MAGI2: variants seen among roughly 807,000 people sequenced by gnomAD.
MAGI2 encodes the protein membrane-associated guanylate kinase, WW and PDZ domain-containing protein 2.
In MAGI2, 35 loss-of-function variants were observed where a neutral mutation model predicts 133.3. The ratio of observed to expected loss-of-function variants is 0.26; its 90% CI spans 0.20 to 0.35. The LOEUF (loss-of-function observed/expected upper bound fraction) is 0.35. MAGI2 is among the 10% of genes least tolerant of loss of function. The probability of loss-of-function intolerance (pLI) is 1.00; values close to 1 mark genes in which losing one functional copy is unlikely to be tolerated. For synonymous variants in MAGI2, 729 were observed against 710.6 expected, an observed-to-expected ratio of 1.03 and a Z score of -0.41; for missense variants, 1,636 against 1,863.4, an observed-to-expected ratio of 0.88 and a Z score of 2.25.
chr7:79,394,811 C>T (rs1334208258), intron 1 of MAGI2, among the ~76,000 whole-genome samples: 1 of 152,158 alleles, frequency 6.6e-6, no homozygotes, highest in African/African-American at 2.4e-5. Flanking sequence ...GCAAGTCTTT[C>T]TCACTTGCTA....
chr7:78,480,891 C>T (rs570036530), intron 6 of MAGI2, among the ~76,000 whole-genome samples: 47 of 151,810 alleles, frequency 3.1e-4, no homozygotes, highest in Admixed American at 5.9e-4. Flanking sequence ...GCTGAAATTA[C>T]GAAATGCTGA....
At chr7:78,867,964 C>A (rs1027137062) in intron 2 of MAGI2, among the ~76,000 whole-genome samples, 3 of 150,330 alleles carry the variant, frequency 2.0e-5, no homozygotes, top group Non-Finnish European at 4.4e-5. Flanking sequence ...AAGAGGGGGA[C>A]CAACGAAGAG....
chr7:78,367,806 GTTATA>G (rs944026736), intron 7 of MAGI2, among the ~76,000 whole-genome samples: 6 of 152,050 alleles, frequency 3.9e-5, no homozygotes, highest in African/African-American at 1.4e-4. Flanking sequence ...AATATTTAGT[GTTATA>G]TTTATTTAGG....
chr7:78,352,145 C>T (rs1363171056), intron 7 of MAGI2, among the ~76,000 whole-genome samples: 2 of 152,122 alleles, frequency 1.3e-5, no homozygotes, highest in African/African-American at 4.8e-5. Flanking sequence ...CATCATTCAT[C>T]GCATATTTAT....
intron 1 of MAGI2, among the ~76,000 whole-genome samples, chr7:79,109,718 G>T (rs1371806423): frequency 1.3e-5 from 2 of 152,172 alleles, no homozygotes; most frequent in Non-Finnish European, 2.9e-5. Flanking sequence ...GCATAATTAA[G>T]AAGGAGCTGA....
chr7:78,610,419 C>T (rs1806314866), intron 3 of MAGI2, among the ~76,000 whole-genome samples: 1 of 152,128 alleles, frequency 6.6e-6, no homozygotes, highest in Non-Finnish European at 1.5e-5. Context: ...GGGCATCCAG[C>T]TCAACCACTT....
chr7:78,230,184 T>C (rs956470756), intron 10 of MAGI2, among the ~76,000 whole-genome samples: 1 of 152,262 alleles, frequency 6.6e-6, no homozygotes, highest in African/African-American at 2.4e-5. Context: ...AAATTCTCCC[T>C]AACACTCGAG....
chr7:78,430,028 G>A (rs1346305380), intron 6 of MAGI2, among the ~76,000 whole-genome samples: 1 of 152,058 alleles, frequency 6.6e-6, no homozygotes, highest in Non-Finnish European at 1.5e-5. Context: ...TCATGCTCCA[G>A]AGTGGCATTT....
intron 2 of MAGI2, among the ~76,000 whole-genome samples, chr7:78,946,024 T>C (rs1801390243): frequency 1.3e-5 from 2 of 152,146 alleles, no homozygotes; most frequent in South Asian, 4.1e-4. Flanking sequence ...GTCTTAAAGA[T>C]GATGATGTTA....
At chr7:78,480,427 AACATAGACACAAAAG>A (rs1451299595) in intron 6 of MAGI2, among the ~76,000 whole-genome samples, 2 of 151,880 alleles carry the variant, frequency 1.3e-5, no homozygotes, top group South Asian at 2.1e-4. Flanking sequence ...AAAATCACAA[AACATAGACACAAAAG>A]ACATAGACAC....
chr7:79,063,668 T>G (rs915506488), intron 1 of MAGI2, among the ~76,000 whole-genome samples: 6 of 152,112 alleles, frequency 3.9e-5, no homozygotes, highest in African/African-American at 1.4e-4. Flanking sequence ...ATCGCTGAAA[T>G]CAAACAGTTG....
intron 1 of MAGI2, among the ~76,000 whole-genome samples, chr7:79,451,029 C>A (rs1179402612): frequency 6.6e-6 from 1 of 152,164 alleles, no homozygotes; most frequent in Non-Finnish European, 1.5e-5. Flanking sequence ...TCTTTCACTT[C>A]TCCACGTTAA....
intron 5 of MAGI2, among the ~76,000 whole-genome samples, chr7:78,498,500 G>A (rs768322161): frequency 2.2e-4 from 34 of 152,276 alleles, no homozygotes; most frequent in African/African-American, 7.9e-4. Context: ...GGAAAGGAAG[G>A]AATATTCCAG....
chr7:78,361,413 A>G (rs974202804), intron 7 of MAGI2, among the ~76,000 whole-genome samples: 1 of 151,530 alleles, frequency 6.6e-6, no homozygotes, highest in East Asian at 1.9e-4. Flanking sequence ...AAAAGCTTGA[A>G]GACAAATACA....
At chr7:79,401,055 T>G (rs1050603085) in intron 1 of MAGI2, among the ~76,000 whole-genome samples, 8 of 152,168 alleles carry the variant, frequency 5.3e-5, no homozygotes, top group Non-Finnish European at 2.9e-5. Flanking sequence ...GATATTTTTA[T>G]TATATTTAAG....
At chr7:78,604,205 T>A (rs994270921) in intron 3 of MAGI2, among the ~76,000 whole-genome samples, 16 of 152,010 alleles carry the variant, frequency 1.1e-4, no homozygotes, top group Admixed American at 7.9e-4. Flanking sequence ...CAGGGAAGTA[T>A]GAACAGGAAA....
chr7:78,547,084 G>A (rs1441635389), intron 3 of MAGI2, among the ~76,000 whole-genome samples: 2 of 152,246 alleles, frequency 1.3e-5, no homozygotes, highest in African/African-American at 4.8e-5. Flanking sequence ...GACATTTAAT[G>A]AAACCAATTT....
chr7:79,450,448 A>G (rs1186714763), intron 1 of MAGI2, among the ~76,000 whole-genome samples: 1 of 152,160 alleles, frequency 6.6e-6, no homozygotes, highest in East Asian at 1.9e-4. Context: ...AAGAGAATTA[A>G]TTATTCCACA....
intron 9 of MAGI2, among the ~76,000 whole-genome samples, chr7:78,331,358 T>C (rs1359226577): frequency 6.6e-6 from 1 of 152,060 alleles, no homozygotes; most frequent in African/African-American, 2.4e-5. Context: ...GAATCTCAAA[T>C]ACAAGTTGAA....
Sources: allele counts gnomAD v4.1 joint callset (sites outside exome capture counted in the v4.1 genomes callset), GRCh38; gene constraint gnomAD v4.1.1; transcripts MANE v1.5; gene names NCBI Gene and HGNC (gene_info 2026-07-23, HGNC 2026-07-21).